KIF14: variants seen among roughly 807,000 people sequenced by gnomAD.
KIF14 encodes kinesin family member 14.
A neutral mutation model predicts 176.2 loss-of-function variants in KIF14; 98 were observed. The ratio of observed to expected loss-of-function variants is 0.56; its 90% confidence interval spans 0.47 to 0.66. The LOEUF (loss-of-function observed/expected upper bound fraction) is 0.66, where lower values mean the gene tolerates loss of function less well. Ranked by LOEUF, KIF14 falls within the 30% of genes least tolerant of loss-of-function variation. KIF14 has a pLI of 0.00. For synonymous variants in KIF14, 566 were observed against 632.2 expected (o/e 0.90, Z 1.57); for missense variants, 1,751 against 1,920.4 (o/e 0.91, Z 1.65).
At chr1:200,597,337 C>T (rs899089145) in intron 14 of KIF14, among the ~76,000 whole-genome samples, 3 of 152,056 alleles carry the variant, frequency 2.0e-5, no homozygotes, top group Non-Finnish European at 2.9e-5. Flanking sequence ...CCAAAAAGCT[C>T]ACGAAAGATT....
rs903217116 is a variant in KIF14, at chr1:200,600,341, C to T, written c.2300+15G>A. On this transcript the variant is annotated intron_variant, in intron 12 of 29. Coordinates refer to ENST00000367350, the MANE Select transcript of KIF14 (RefSeq NM_014875.3). ...AGCAACACACTTAACATTTAGAGTA[C>T]TGACTGTACTCTACCTTTGCATTTC... is the stretch of plus-strand genomic sequence containing the variant. 1.9e-6 allele frequency: 3 copies of T among 1,610,808 alleles called. No individual in the cohort carries two copies. The highest frequency in any genetic ancestry group is 1.7e-6 in the Non-Finnish European group (2 of 1,177,046).
At chr1:200,581,761 C>T (rs4550086) in intron 19 of KIF14, among the ~76,000 whole-genome samples, 1,671 of 83,086 alleles carry the variant, frequency 0.02, 64 homozygotes, top group East Asian at 0.086. Context: ...TTTCACTTTC[C>T]TTTTTTTTTT....
intron 23 of KIF14, 75 bp from the exon 24 acceptor site, chr1:200,565,744 T>C: frequency 6.8e-6 from 6 of 877,310 alleles, no homozygotes; most frequent in Non-Finnish European, 1.0e-5. Flanking sequence ...AAGGGATCCT[T>C]ACTTTATGTA....
chr1:200,574,552 G>C (rs1245613697), intron 22 of KIF14, among the ~76,000 whole-genome samples: 2 of 152,122 alleles, frequency 1.3e-5, no homozygotes, highest in Non-Finnish European at 2.9e-5. Context: ...CTCAATTCCT[G>C]GTCTTTCAGG....
In KIF14 at chr1:200,605,279, A is replaced by G. The variant is rs376291738; in HGVS notation, c.1746+4T>C. On this transcript the variant is annotated splice_donor_region_variant and intron_variant, in intron 8 of 29. Coordinates refer to ENST00000367350, the MANE Select transcript of KIF14 (RefSeq NM_014875.3). ...AAGAGATCGGGAACTTTTAAAAAAA[A>G]TACCTTGGTCTGGGTCATCACCAGG... 7 of 1,607,170 alleles carry G rather than the reference A, an allele frequency of 4.4e-6. No homozygotes were observed. Among genetic ancestry groups the G allele is most frequent in the East Asian group, 4.5e-5 (2 of 44,754 alleles).
intron 7 of KIF14, 38 bp downstream of exon 7, chr1:200,605,826 C>T: frequency 7.9e-7 from 1 of 1,263,198 alleles, no homozygotes; most frequent in Non-Finnish European, 1.1e-6. Context: ...GGATTATGCT[C>T]TTTCTATCTA....
chr1:200,601,847 G>T, intron 11 of KIF14, 49 bp downstream of exon 11: 1 of 1,406,058 alleles, frequency 7.1e-7, no homozygotes, highest in Non-Finnish European at 9.9e-7. Flanking sequence ...ACTAATATCT[G>T]GGACTAAACT....
intron 23 of KIF14, among the ~76,000 whole-genome samples, chr1:200,568,022 C>T (rs1323194518): frequency 2.6e-5 from 4 of 151,994 alleles, no homozygotes; most frequent in Admixed American, 6.6e-5. Context: ...TTAGAAAGAC[C>T]TGCAAAAATA....
chr1:200,593,612 A>G (rs1659161444), intron 15 of KIF14, 55 bp downstream of exon 15: 1 of 1,121,986 alleles, frequency 8.9e-7, no homozygotes, highest in South Asian at 1.3e-5. Flanking sequence ...CAAAGAAATT[A>G]AATGACTTAT....
chr1:200,605,252 G>T, intron 8 of KIF14, 31 bp downstream of exon 8: 1 of 1,557,426 alleles, frequency 6.4e-7, no homozygotes, highest in Non-Finnish European at 8.8e-7. Context: ...GGTGAAAACT[G>T]AAAGAGATCG....
At chr1:200,585,772 T>C (rs112079770) in intron 19 of KIF14, among the ~76,000 whole-genome samples, 2 of 152,234 alleles carry the variant, frequency 1.3e-5, no homozygotes, top group African/African-American at 4.8e-5. Context: ...GGGGCACTAA[T>C]TCTATCTATG....
At chr1:200,577,825 T>C (rs1237363606) in intron 21 of KIF14, among the ~76,000 whole-genome samples, 1 of 152,100 alleles carries the variant, frequency 6.6e-6, no homozygotes, top group East Asian at 1.9e-4. Context: ...AGATAAACTG[T>C]GACACTTTCT....
rs1449697199 is a variant in KIF14, at chr1:200,554,459, G to C, written c.4567+9C>G. On this transcript the variant is annotated intron_variant, in intron 29 of 29. Coordinates refer to ENST00000367350, the MANE Select transcript of KIF14 (RefSeq NM_014875.3). ...ATTCTGATTATAAACTCCATTTGGAGAATCATACCTTTCAGTGCAGAAATA... is the reference window on the plus strand; with the variant it reads ...ATTCTGATTATAAACTCCATTTGGACAATCATACCTTTCAGTGCAGAAATA... 7 of 1,489,182 alleles carry C rather than the reference G, an allele frequency of 4.7e-6. No homozygotes were observed. Among genetic ancestry groups the C allele is most frequent in the Non-Finnish European group, 5.5e-6 (6 of 1,083,620 alleles). 92.2% of individuals were successfully genotyped at this position (1,489,182 alleles called of 1,614,324 possible). A position where few individuals can be genotyped will look rare whatever the true frequency, so the allele number is the denominator to read the frequency against.
Position 200,555,327 on chromosome 1 carries a change from A to G in KIF14, c.4428+53T>C, listed in dbSNP as rs1308574810. 9.7e-6 allele frequency: 11 copies of G among 1,133,650 alleles called. No homozygotes were observed. The East Asian group carries it at 2.7e-4, about 28-fold the overall frequency. 70.2% of individuals were successfully genotyped at this position (1,133,650 alleles called of 1,614,324 possible). A position where few individuals can be genotyped will look rare whatever the true frequency, so the allele number is the denominator to read the frequency against. On this transcript the variant is annotated intron_variant, in intron 28 of 29. Transcript: ENST00000367350. ...AATAAAAATATCTACATTTGAACCA[A>G]GTGAAATGATAAAAAATAAGCAAAA...
At position 200,555,455 on chromosome 1, in the gene KIF14, C is replaced by T; in HGVS notation, c.4354-1G>A. 7 of 1,489,802 alleles carry T rather than the reference C, an allele frequency of 4.7e-6. No individual in the cohort carries two copies. Among genetic ancestry groups the T allele is most frequent in the African/African-American group, 1.4e-5 (1 of 70,142 alleles). The allele number at this position is 1,489,802 out of a possible 1,614,324, so 92.3% of individuals were successfully genotyped here. ...CATTAGTTTTCATTTCTTTGGTAAC[C>T]TATAGAGAATGTTAAAATATTTTAT... On this transcript the variant is annotated splice_acceptor_variant, in intron 27 of 29. Transcript: ENST00000367350. LOFTEE classifies it high-confidence loss of function.
intron 22 of KIF14, among the ~76,000 whole-genome samples, chr1:200,573,523 G>T (rs144097275): frequency 7.2e-6 from 1 of 139,052 alleles, no homozygotes; most frequent in Admixed American, 8.0e-5. Flanking sequence ...AAGCTCCTCC[G>T]CCTCCCGGGT....
At chr1:200,579,850 G>A (rs1658348072) in intron 21 of KIF14, among the ~76,000 whole-genome samples, 1 of 152,076 alleles carries the variant, frequency 6.6e-6, no homozygotes, top group Non-Finnish European at 1.5e-5. Flanking sequence ...GCACAGCAAC[G>A]GAGAAATGTA....
At chr1:200,563,229 T>C (rs1657257927) in intron 25 of KIF14, among the ~76,000 whole-genome samples, 1 of 152,254 alleles carries the variant, frequency 6.6e-6, no homozygotes. Context: ...AATAATAGAA[T>C]GTGGAAAGTC....
Position 200,559,439 on chromosome 1 carries a change from T to A in KIF14, c.4244A>T (p.Asp1415Val), listed in dbSNP as rs74368765. ...KAASVQEEFM[D>V]AVCDGVGLGM... ...TAAGCCTACACCATCACAAACAGCATCCATGAATTCCTCCTAGAAAAAGAA... is the reference window on the plus strand; with the variant it reads ...TAAGCCTACACCATCACAAACAGCAACCATGAATTCCTCCTAGAAAAAGAA... Residue 1415 changes from aspartate to valine, a missense_variant, in exon 27 of 30, where the codon GAT (aspartate) becomes GTT (valine). Physicochemically the swap from Asp to Val is radical, Grantham distance 152. Transcript: ENST00000367350. 3.2e-3 allele frequency: 4,816 copies of A among 1,512,654 alleles called. 137 individuals are homozygous for A. The African/African-American group carries it at 0.058, about 18-fold the overall frequency. The allele number at this position is 1,512,654 out of a possible 1,614,324, so 93.7% of individuals were successfully genotyped here.
Sources: gnomAD v4.1 joint callset for allele counts (sites outside exome capture counted in the v4.1 genomes callset) on GRCh38, gnomAD v4.1.1 for gene constraint, MANE v1.5 for transcripts, NCBI Gene and HGNC (gene_info 2026-07-23, HGNC 2026-07-21) for gene names.